The following TNNC2 variants were observed in gnomAD, a reference collection of about 807,000 sequenced individuals.
The protein encoded by TNNC2 is troponin C, skeletal muscle.
In TNNC2, 14 loss-of-function variants were observed where a neutral mutation model predicts 20.0. The ratio of observed to expected loss-of-function variants is 0.70; its 90% confidence interval spans 0.46 to 1.09. The LOEUF is 1.09. Among genes scored for constraint, TNNC2 ranks in the 50% least tolerant of loss-of-function variants. The pLI, the probability that TNNC2 is intolerant of heterozygous loss-of-function variation, is 0.00. For missense variants in TNNC2, 163 were observed against 223.8 expected (o/e 0.73, Z 1.73); for synonymous variants, 81 against 77.3 (o/e 1.05, Z -0.25).
intron 2 of TNNC2, among the ~76,000 whole-genome samples, chr20:45,832,345 GCA>G (rs1983135642): frequency 6.6e-6 from 1 of 151,540 alleles, no homozygotes; most frequent in African/African-American, 2.4e-5. Context: ...AAATAAAATT[GCA>G]CAAACTTAGG....
intron 4 of TNNC2, 39 bp from the exon 5 acceptor site, chr20:45,824,166 G>A (rs372675580): frequency 3.3e-5 from 53 of 1,608,148 alleles, no homozygotes; most frequent in East Asian, 2.2e-4. Flanking sequence ...CAGGGCCGGG[G>A]CGAGCTGCCC....
In TNNC2 at chr20:45,823,609, C is replaced by T. The variant is rs1487677865; in HGVS notation, c.452-230G>A. Among the ~76,000 whole-genome samples the T allele has an allele frequency of 6.6e-6, 1 of 152,116 alleles. No individual in the cohort carries two copies. The highest frequency in any genetic ancestry group is 1.5e-5 in the Non-Finnish European group (1 of 68,012). ...GGCTCAAGCGATCCTCTTACCTCAGCCCCCGGAGCAACTGGGACCACAGGT... is the reference window on the plus strand; with the variant it reads ...GGCTCAAGCGATCCTCTTACCTCAGTCCCCGGAGCAACTGGGACCACAGGT... On this transcript the variant is annotated intron_variant, in intron 5 of 5. Transcript: ENST00000372555. This position sits in a 1 kb window ranked among gnomAD's most constrained non-coding sequence, Gnocchi z 4.6.
chr20:45,829,520 C>G (rs570869334), upstream of TNNC2, among the ~76,000 whole-genome samples: 34 of 151,894 alleles, frequency 2.2e-4, no homozygotes, highest in Non-Finnish European at 2.4e-4. Flanking sequence ...TGGCTCAGGC[C>G]TGTAATCCCA....
Position 45,824,057 on chromosome 20 carries a change from C to A in TNNC2, c.385G>T (p.Asp129Tyr). ...TTCATCAGAGATTCGATCTCCTCGT[C>A]CGTCACGTGCTCCCCGGAGGCCCTG... Reference protein sequence around the residue: ...IFRASGEHVTDEEIESLMKDG... With the variant: ...IFRASGEHVTYEEIESLMKDG... The change falls in exon 5 of 6, where the codon GAC (aspartate) becomes TAC (tyrosine). Residue 129 changes from aspartate (D) to tyrosine (Y), a missense_variant. Asp to Tyr is a radical substitution (Grantham distance 160). Transcript: ENST00000372555. The A allele has an allele frequency of 6.2e-7, 1 of 1,614,104 alleles. No individual in the cohort carries two copies. The highest frequency in any genetic ancestry group is 1.1e-5 in the South Asian group (1 of 91,086).
At chr20:45,824,941 C>G (rs1246442986) in intron 1 of TNNC2, 107 bp from the exon 2 acceptor site, 1 of 1,237,192 alleles carries the variant, frequency 8.1e-7, no homozygotes, top group African/African-American at 1.5e-5. Context: ...CCTTGGTTCT[C>G]CAGAAGAACA....
chr20:45,831,299 G>A (rs1983101203), upstream of TNNC2, among the ~76,000 whole-genome samples: 3 of 152,102 alleles, frequency 2.0e-5, no homozygotes, highest in South Asian at 2.1e-4. Flanking sequence ...AGAAGAGGCC[G>A]GGCACGGTGG....
intron 2 of TNNC2, among the ~76,000 whole-genome samples, chr20:45,832,606 A>G (rs1211735403): frequency 6.6e-6 from 1 of 152,198 alleles, no homozygotes; most frequent in East Asian, 1.9e-4. Context: ...GCTTATCCCA[A>G]GGCATTTTCC....
upstream of TNNC2, chr20:45,827,487 C>A (rs1983003664): frequency 5.2e-6 from 3 of 579,604 alleles, no homozygotes; most frequent in Non-Finnish European, 9.3e-6. Flanking sequence ...GAAATTTAAG[C>A]CTCCAAGCAG....
chr20:45,823,980 T>C lies in TNNC2; in HGVS notation c.451+11A>G, dbSNP rs754004139. 3 of 1,613,998 alleles carry C rather than the reference T, an allele frequency of 1.9e-6. No individual in the cohort carries two copies. The Admixed American group carries it at 5.0e-5, about 27-fold the overall frequency. ...CCCACCCGCTCTTCCCAAGCTCCCG[T>C]TGGCCCTCACCGTCGAAGTCAATGC... On this transcript the variant is annotated intron_variant, in intron 5 of 5. Coordinates refer to ENST00000372555, the MANE Select transcript of TNNC2 (RefSeq NM_003279.3). This position sits in a 1 kb window ranked among gnomAD's most constrained non-coding sequence, Gnocchi z 4.6.
chr20:45,827,498 G>A (rs140145601), upstream of TNNC2, among the ~76,000 whole-genome samples: 44 of 152,224 alleles, frequency 2.9e-4, no homozygotes, highest in Middle Eastern at 3.4e-3. Context: ...CTCCAAGCAG[G>A]TGGCAGGCCT....
At chr20:45,824,159 G>C in intron 4 of TNNC2, 32 bp from the exon 5 acceptor site, 2 of 1,609,764 alleles carry the variant, frequency 1.2e-6, no homozygotes, top group Admixed American at 1.7e-5. Context: ...CAGGGCTCAG[G>C]GCCGGGGCGA....
At position 45,824,646 on chromosome 20, in the gene TNNC2, GGAGGGCA is replaced by G. The variant is rs780406806; in HGVS notation, c.56-15_56-9del. 6 of 1,608,306 alleles carry G rather than the reference GGAGGGCA, an allele frequency of 3.7e-6. No individual in the cohort carries two copies. In the African/African-American group the frequency reaches 8.0e-5, roughly 21 times the overall value. ...CAAAGGCAGCCTTGAACTCTGCGAG[GGAGGGCA>G]GAGGGCAGAGGTGAGGCCTGCTGGA... On this transcript the variant is annotated splice_polypyrimidine_tract_variant and intron_variant, in intron 2 of 5. Transcript: ENST00000372555.
intron 1 of TNNC2, 103 bp from the exon 2 acceptor site, chr20:45,824,937 T>C (rs1384831712): frequency 2.3e-6 from 3 of 1,294,298 alleles, no homozygotes; most frequent in Non-Finnish European, 3.3e-6. Context: ...GCGCCCTTGG[T>C]TCTCCAGAAG....
intron 1 of TNNC2, among the ~76,000 whole-genome samples, chr20:45,825,716 G>T (rs1374146217): frequency 1.3e-5 from 2 of 151,700 alleles, no homozygotes; most frequent in Non-Finnish European, 2.9e-5. Flanking sequence ...CACCTCCGGG[G>T]TTCAAGCGAT....
At chr20:45,828,837 C>T (rs992104117), upstream of TNNC2, among the ~76,000 whole-genome samples, 2 of 152,140 alleles carry the variant, frequency 1.3e-5, no homozygotes, top group African/African-American at 2.4e-5. Flanking sequence ...AACTGGGCTG[C>T]CCCCTTCCCC....
chr20:45,832,758 T>C (rs1415166519), intron 2 of TNNC2, among the ~76,000 whole-genome samples: 1 of 152,212 alleles, frequency 6.6e-6, no homozygotes, highest in Non-Finnish European at 1.5e-5. Flanking sequence ...CACAATAACT[T>C]TTTCTTGACC....
upstream of TNNC2, among the ~76,000 whole-genome samples, chr20:45,829,850 G>A (rs1334272143): frequency 1.3e-5 from 2 of 150,460 alleles, no homozygotes; most frequent in African/African-American, 4.9e-5. Context: ...CAAGTGATCC[G>A]CCTGCCTCAG....
chr20:45,828,413 G>A (rs1163981869), upstream of TNNC2, among the ~76,000 whole-genome samples: 1 of 152,108 alleles, frequency 6.6e-6, no homozygotes, highest in East Asian at 1.9e-4. Context: ...CTGTCCAGAT[G>A]GAAAAATGTA....
intron 1 of TNNC2, 118 bp downstream of exon 1, chr20:45,827,128 C>T: frequency 1.5e-6 from 2 of 1,363,204 alleles, no homozygotes; most frequent in Non-Finnish European, 2.1e-6. Flanking sequence ...GTTCCAGGAA[C>T]CTCCATGCTC....
Sources: gnomAD v4.1 joint callset for allele counts (sites outside exome capture counted in the v4.1 genomes callset) on GRCh38, gnomAD v4.1.1 for gene constraint, Gnocchi (gnomAD v3.1) non-coding constraint, MANE v1.5 for transcripts, NCBI Gene and HGNC (gene_info 2026-07-23, HGNC 2026-07-21) for gene names.